CGNL1: variants seen among roughly 807,000 people sequenced by gnomAD.
CGNL1 encodes cingulin like 1, also known as cingulin-like protein 1.
CGNL1 carries 132 observed loss-of-function variants against 141.2 expected under a neutral mutation model. The observed-to-expected ratio is 0.93, with a 90% CI of 0.81 to 1.08. The LOEUF is 1.08. Among genes scored for constraint, CGNL1 ranks in the 50% least tolerant of loss-of-function variants. CGNL1 has a pLI of 0.00. For synonymous variants in CGNL1, 690 were observed against 622.1 expected, an observed-to-expected ratio of 1.11 and a Z score of -1.63; for missense variants, 1,870 against 1,588.6, an observed-to-expected ratio of 1.18 and a Z score of -3.01.
intron 8 of CGNL1, among the ~76,000 whole-genome samples, chr15:57,500,188 C>G (rs903934372): frequency 6.6e-6 from 1 of 152,082 alleles, no homozygotes; most frequent in Non-Finnish European, 1.5e-5. Flanking sequence ...TGGTGGGTGG[C>G]CACTGTCAAC....
intron 14 of CGNL1, among the ~76,000 whole-genome samples, chr15:57,532,847 T>G (rs1271081859): frequency 6.6e-6 from 1 of 152,222 alleles, no homozygotes; most frequent in Non-Finnish European, 1.5e-5. Flanking sequence ...GCCAATAGAT[T>G]GTTATTCATA....
At position 57,439,023 on chromosome 15, in the gene CGNL1, G is replaced by T. The variant is rs763373500; in HGVS notation, c.1024G>T (p.Gly342Ter). 3.1e-6 allele frequency: 5 copies of T among 1,614,108 alleles called. No homozygotes were observed. The East Asian group carries it at 8.9e-5, about 29-fold the overall frequency. Residue 342 changes from glycine (G) to a stop codon, truncating the protein, a stop_gained, in exon 2 of 19, where the codon GGA becomes TGA. Transcript: ENST00000281282. LOFTEE classifies it high-confidence loss of function. The stretch of plus-strand genomic sequence containing the variant: ...GTATATTCCCTTCCTGCCAGGAACT[G>T]GACGGGATATTGATACAGGATCAAT... ...RRYIPFLPGTGRDIDTGSIPG... is the reference protein window; with the variant it reads ...RRYIPFLPGT
Position 57,434,398 on chromosome 15 carries a change from A to G in CGNL1, c.-15-3587A>G, listed in dbSNP as rs375631907. 2.3e-3 allele frequency among the ~76,000 whole-genome samples: 356 copies of G among 152,316 alleles called. 1 individual carries two copies. The highest frequency in any genetic ancestry group is 4.0e-3 in the Non-Finnish European group (273 of 68,012). On this transcript the variant is annotated intron_variant, in intron 1 of 18. Coordinates refer to ENST00000281282, the MANE Select transcript of CGNL1 (RefSeq NM_032866.5). ...ATCTAAAAAATTCAACATTGCTATT[A>G]TAGTAGATGCAGAAACCAAGAACAA... is the stretch of plus-strand genomic sequence containing the variant.
Position 57,518,402 on chromosome 15 carries a change from C to T in CGNL1, c.2620C>T (p.Arg874Ter), listed in dbSNP as rs187964382. The change falls in exon 10 of 19, where the codon CGA (arginine) becomes TGA (stop). Residue 874 changes from arginine to a stop codon, truncating the protein, a stop_gained. Coordinates refer to ENST00000281282, the MANE Select transcript of CGNL1 (RefSeq NM_032866.5). LOFTEE classifies it high-confidence loss of function. ...ETLKKYEGEI[R>*]QLEEALVHAR... ...CAGTGTTTCATTGTAGGGAGAAATA[C>T]GACAGTTAGAGGAGGCCCTTGTGCA... is the stretch of plus-strand genomic sequence containing the variant. 7.4e-6 allele frequency: 12 copies of T among 1,612,256 alleles called. No homozygotes were observed. Among genetic ancestry groups the T allele is most frequent in the Admixed American group, 5.0e-5 (3 of 59,874 alleles).
chr15:57,518,357 C>A, intron 9 of CGNL1, 36 bp from the exon 10 acceptor site: 1 of 1,457,750 alleles, frequency 6.9e-7, no homozygotes, highest in Non-Finnish European at 9.6e-7. Flanking sequence ...GTACAGCACA[C>A]ATCTAAGTGC....
intron 11 of CGNL1, among the ~76,000 whole-genome samples, chr15:57,524,280 A>G (rs2140139887): frequency 6.6e-6 from 1 of 152,322 alleles, no homozygotes; most frequent in South Asian, 2.1e-4. Context: ...TCCAGTGTGG[A>G]CATGGCCAGG....
intron 1 of CGNL1, among the ~76,000 whole-genome samples, chr15:57,427,058 T>A (rs1270712677): frequency 6.6e-6 from 1 of 151,764 alleles, no homozygotes; most frequent in Non-Finnish European, 1.5e-5. Flanking sequence ...GCACAGCGTG[T>A]TTGGGGTGAC....
chr15:57,460,925 T>A (rs1377779342), intron 7 of CGNL1, among the ~76,000 whole-genome samples: 1 of 150,568 alleles, frequency 6.6e-6, no homozygotes, highest in Non-Finnish European at 1.5e-5. Flanking sequence ...CAGAGAGGGG[T>A]TGAGGTGGAG....
intron 8 of CGNL1, among the ~76,000 whole-genome samples, chr15:57,484,621 A>G (rs1375055492): frequency 6.6e-6 from 1 of 152,174 alleles, no homozygotes; most frequent in Non-Finnish European, 1.5e-5. Context: ...ATAGGTATAC[A>G]TGTGCCATGG....
chr15:57,503,038 G>A (rs1231155954), intron 8 of CGNL1, among the ~76,000 whole-genome samples: 1 of 152,220 alleles, frequency 6.6e-6, no homozygotes, highest in African/African-American at 2.4e-5. Flanking sequence ...GCCTAAGGAC[G>A]CACCATGTGG....
At chr15:57,430,321 C>G (rs1328276968) in intron 1 of CGNL1, among the ~76,000 whole-genome samples, 4 of 152,128 alleles carry the variant, frequency 2.6e-5, no homozygotes, top group Non-Finnish European at 5.9e-5. Context: ...CTTAAACTTT[C>G]GTAGCTTAGC....
intron 1 of CGNL1, among the ~76,000 whole-genome samples, chr15:57,386,381 T>G (rs539695235): frequency 6.6e-6 from 1 of 152,342 alleles, no homozygotes; most frequent in African/African-American, 2.4e-5. Flanking sequence ...TATGTGAATG[T>G]GCTGTGTGAT....
intron 8 of CGNL1, among the ~76,000 whole-genome samples, chr15:57,511,872 C>T (rs577666528): frequency 2.0e-5 from 3 of 152,154 alleles, no homozygotes; most frequent in East Asian, 1.9e-4. Flanking sequence ...CAAGACATCA[C>T]GTAGGTGGTA....
At chr15:57,519,806 A>G (rs1361642793) in intron 10 of CGNL1, among the ~76,000 whole-genome samples, 1 of 152,188 alleles carries the variant, frequency 6.6e-6, no homozygotes, top group East Asian at 1.9e-4. Flanking sequence ...AGGGATAAAC[A>G]TCTCTACCTT....
At chr15:57,514,402 T>C (rs931592681) in intron 8 of CGNL1, among the ~76,000 whole-genome samples, 3 of 152,224 alleles carry the variant, frequency 2.0e-5, no homozygotes, top group Non-Finnish European at 4.4e-5. Context: ...TCCGCCTGCC[T>C]GGGCCTCTTA....
chr15:57,475,976 G>A (rs2063651552), intron 8 of CGNL1, among the ~76,000 whole-genome samples: 1 of 152,082 alleles, frequency 6.6e-6, no homozygotes, highest in Non-Finnish European at 1.5e-5. Context: ...TGTCCCTCGG[G>A]TGGCATTTAT....
chr15:57,471,203 C>T (rs1462264356), intron 8 of CGNL1, among the ~76,000 whole-genome samples: 1 of 152,182 alleles, frequency 6.6e-6, no homozygotes, highest in Non-Finnish European at 1.5e-5. Flanking sequence ...TCTACCTTTC[C>T]TGGCTAGGAT....
Position 57,443,348 on chromosome 15 carries a change from G to T in CGNL1, c.1803+870G>T, listed in dbSNP as rs374147946. On this transcript the variant is annotated intron_variant, in intron 4 of 18. Coordinates refer to ENST00000281282, the MANE Select transcript of CGNL1 (RefSeq NM_032866.5). ...AAGGAAGCCACTCGTAAGAGAGTAC[G>T]GCTAAACACTCGTTCCTCAATCTTC... Among the ~76,000 whole-genome samples, 23 of 152,152 alleles carry T rather than the reference G, an allele frequency of 1.5e-4. 1 individual carries two copies. Among genetic ancestry groups the T allele is most frequent in the Admixed American group, 5.9e-4 (9 of 15,268 alleles).
chr15:57,522,525 C>T (rs1360820574), intron 10 of CGNL1, among the ~76,000 whole-genome samples: 1 of 152,174 alleles, frequency 6.6e-6, no homozygotes, highest in South Asian at 2.1e-4. Flanking sequence ...AGTCAGCCCT[C>T]GGTGCCTGAC....
Sources: gnomAD v4.1 joint callset for allele counts (sites outside exome capture counted in the v4.1 genomes callset) on GRCh38, gnomAD v4.1.1 for gene constraint, MANE v1.5 for transcripts, NCBI Gene and HGNC (gene_info 2026-07-23, HGNC 2026-07-21) for gene names.